The following MOB1B variants were observed in gnomAD, a reference collection of about 807,000 sequenced individuals.
The protein encoded by MOB1B is MOB kinase activator 1B, also known as MOB1 Mps One Binder homolog B.
In MOB1B, 19 loss-of-function variants were observed where a neutral mutation model predicts 24.4. The observed-to-expected ratio is 0.78, with a 90% confidence interval of 0.54 to 1.14. MOB1B has a LOEUF of 1.14. Among genes scored for constraint, MOB1B ranks in the 50% most tolerant of loss-of-function variants. MOB1B has a pLI of 0.00. For synonymous variants in MOB1B, 76 were observed against 82.1 expected (o/e 0.93, Z 0.40); for missense variants, 243 against 259.6 (o/e 0.94, Z 0.44).
chr4:70,938,630 T>A (rs1439179096), intron 1 of MOB1B, among the ~76,000 whole-genome samples: 5 of 152,118 alleles, frequency 3.3e-5, no homozygotes, highest in Non-Finnish European at 5.9e-5. Flanking sequence ...GTATAACTGC[T>A]TTTTAAACAG....
intron 5 of MOB1B, among the ~76,000 whole-genome samples, chr4:70,980,862 G>A (rs1739185975): frequency 6.6e-6 from 1 of 152,132 alleles, no homozygotes; most frequent in African/African-American, 2.4e-5. Flanking sequence ...AGGGCATGTG[G>A]ACATTACCCA....
chr4:70,924,393 C>T (rs559799331), intron 1 of MOB1B, among the ~76,000 whole-genome samples: 50 of 152,294 alleles, frequency 3.3e-4, no homozygotes, highest in African/African-American at 1.2e-3. Flanking sequence ...ACTCTTCAGC[C>T]CTTTAAGTCC....
intron 1 of MOB1B, among the ~76,000 whole-genome samples, chr4:70,935,006 A>G (rs1406186670): frequency 1.3e-5 from 2 of 152,144 alleles, no homozygotes; most frequent in Non-Finnish European, 2.9e-5. Context: ...ATGGCAGATC[A>G]TAGCTGTAGC....
At chr4:70,980,723 C>T (rs1739177148) in intron 5 of MOB1B, among the ~76,000 whole-genome samples, 1 of 152,130 alleles carries the variant, frequency 6.6e-6, no homozygotes, top group East Asian at 1.9e-4. Context: ...ATTCTCTGTC[C>T]ACATGGTCCA....
chr4:70,963,462 A>T (rs1473854640), intron 2 of MOB1B, among the ~76,000 whole-genome samples: 1 of 152,248 alleles, frequency 6.6e-6, no homozygotes, highest in Non-Finnish European at 1.5e-5. Context: ...TATTAATAGT[A>T]AGTTGAAATC....
chr4:70,975,209 C>T lies in MOB1B; in HGVS notation c.332C>T (p.Ala111Val). Residue 111 changes from alanine to valine, a missense_variant, in exon 4 of 6, where the codon GCA becomes GTA. Ala to Val is a moderately conservative substitution (Grantham distance 64, BLOSUM62 0). Coordinates refer to ENST00000309395, the MANE Select transcript of MOB1B (RefSeq NM_173468.4). ...TNIKKPIKCS[A>V]PKYIDYLMTW... is the part of the protein sequence containing the mutation. ...ATAAAGAAACCTATTAAGTGCTCTG[C>T]ACCAAAGTATATTGATTACTTGATG... The T allele has an allele frequency of 2.5e-6, 4 of 1,613,244 alleles. No individual in the cohort carries two copies. Among genetic ancestry groups the T allele is most frequent in the Non-Finnish European group, 3.4e-6 (4 of 1,179,492 alleles).
At chr4:70,926,228 G>A (rs866182899) in intron 1 of MOB1B, among the ~76,000 whole-genome samples, 13 of 151,356 alleles carry the variant, frequency 8.6e-5, no homozygotes, top group Non-Finnish European at 1.5e-4. Flanking sequence ...CAAGCAGTCC[G>A]TCCACCTTGG....
At chr4:70,943,950 T>C in intron 1 of MOB1B, among the ~76,000 whole-genome samples, 1 of 152,096 alleles carries the variant, frequency 6.6e-6, no homozygotes, top group East Asian at 1.9e-4. Context: ...AATGAATATT[T>C]AGAATGAAAA....
intron 2 of MOB1B, among the ~76,000 whole-genome samples, chr4:70,966,966 A>G (rs1578396081): frequency 2.6e-5 from 4 of 152,250 alleles, no homozygotes; most frequent in African/African-American, 4.8e-5. Context: ...ACCATTTGCT[A>G]AAATTCAAAA....
chr4:70,924,949 T>TTTGTA (rs1239943019), intron 1 of MOB1B, among the ~76,000 whole-genome samples: 1 of 152,246 alleles, frequency 6.6e-6, no homozygotes, highest in Non-Finnish European at 1.5e-5. Context: ...CTAATTATAG[T>TTTGTA]TAGAACCAAA....
intron 1 of MOB1B, 104 bp from the exon 2 acceptor site, chr4:70,958,770 C>A: frequency 9.6e-7 from 1 of 1,039,682 alleles, no homozygotes; most frequent in Non-Finnish European, 1.5e-6. Flanking sequence ...AATTCTATTG[C>A]TGGGATTTAA....
chr4:70,925,048 T>G (rs1007411139), intron 1 of MOB1B, among the ~76,000 whole-genome samples: 3 of 152,210 alleles, frequency 2.0e-5, no homozygotes, highest in Non-Finnish European at 4.4e-5. Flanking sequence ...ATTTTATTTT[T>G]ATTTTATTTT....
At chr4:70,943,051 T>C (rs1345469841) in intron 1 of MOB1B, among the ~76,000 whole-genome samples, 1 of 152,220 alleles carries the variant, frequency 6.6e-6, no homozygotes, top group Non-Finnish European at 1.5e-5. Context: ...AACTTAAGTG[T>C]ATAGTTAAAA....
intron 1 of MOB1B, among the ~76,000 whole-genome samples, chr4:70,919,775 A>C (rs371983643): frequency 2.0e-5 from 3 of 152,238 alleles, no homozygotes; most frequent in Non-Finnish European, 2.9e-5. Context: ...TTGGGATTAC[A>C]GGCGTGAGCC....
chr4:70,959,582 T>C (rs897351588), intron 2 of MOB1B, among the ~76,000 whole-genome samples: 2 of 152,224 alleles, frequency 1.3e-5, no homozygotes, highest in African/African-American at 4.8e-5. Flanking sequence ...AAAGCATAGA[T>C]TTACTATCTT....
rs376072053 is a variant in MOB1B, at chr4:70,976,753, C to CATATAT, written c.409+1484_409+1489dup. 266 of 184,230 alleles carry CATATAT rather than the reference C, an allele frequency of 1.4e-3. 4 individuals carry two copies. Among genetic ancestry groups the CATATAT allele is most frequent in the African/African-American group, 5.9e-3 (190 of 32,442 alleles). The allele number at this position is 184,230 out of a possible 1,614,324, so 11.4% of individuals were successfully genotyped here. A position where few individuals can be genotyped will look rare whatever the true frequency, so the allele number is the denominator to read the frequency against. On this transcript the variant is annotated intron_variant, in intron 4 of 5. Coordinates refer to ENST00000309395, the MANE Select transcript of MOB1B (RefSeq NM_173468.4). The stretch of plus-strand genomic sequence containing the variant: ...AGAGCAATTTTTCAAGACTGAATTA[C>CATATAT]ATATATATATATATATATATATCTC...
chr4:70,945,214 T>C (rs1228332097), intron 1 of MOB1B, among the ~76,000 whole-genome samples: 1 of 152,164 alleles, frequency 6.6e-6, no homozygotes, highest in Non-Finnish European at 1.5e-5. Context: ...CAACTCAGCT[T>C]CCCCTTAGTT....
chr4:70,941,638 G>C (rs1737348848), intron 1 of MOB1B, among the ~76,000 whole-genome samples: 1 of 152,274 alleles, frequency 6.6e-6, no homozygotes, highest in African/African-American at 2.4e-5. Context: ...ACCGTGCCCA[G>C]TCAAGAAATT....
At chr4:70,957,259 CAAAAAA>C (rs1247828205) in intron 1 of MOB1B, among the ~76,000 whole-genome samples, 1 of 63,510 alleles carries the variant, frequency 1.6e-5, no homozygotes, top group African/African-American at 4.3e-5. Context: ...GACTATGTCT[CAAAAAA>C]AAAAAAAAAA....
Sources: gnomAD v4.1 joint callset for allele counts (sites outside exome capture counted in the v4.1 genomes callset) on GRCh38, gnomAD v4.1.1 for gene constraint, MANE v1.5 for transcripts, NCBI Gene and HGNC (gene_info 2026-07-23, HGNC 2026-07-21) for gene names.